ITGA9: variants seen among roughly 807,000 people sequenced by gnomAD.
The protein encoded by ITGA9 is integrin alpha-9.
In ITGA9, 56 loss-of-function variants were observed where a neutral mutation model predicts 127.8. The observed-to-expected ratio is 0.44, with a 90% CI of 0.35 to 0.55. ITGA9 has a LOEUF of 0.55. Among genes scored for constraint, ITGA9 ranks in the 20% least tolerant of loss-of-function variants. The probability of loss-of-function intolerance (pLI) is 0.00; values close to 1 mark genes in which losing one functional copy is unlikely to be tolerated. For missense variants in ITGA9, 1,196 were observed against 1,347.1 expected (o/e 0.89, Z 1.76); for synonymous variants, 508 against 514.5 (o/e 0.99, Z 0.17).
intron 19 of ITGA9, among the ~76,000 whole-genome samples, chr3:37,735,141 G>A (rs1462839774): frequency 6.6e-6 from 1 of 152,198 alleles, no homozygotes; most frequent in Non-Finnish European, 1.5e-5. Context: ...CCCAGTTTCT[G>A]ACATTCTGTT....
In ITGA9 at chr3:37,577,516, G is replaced by T. The variant is rs192436483; in HGVS notation, c.1689+34931G>T. Among the ~76,000 whole-genome samples, 288 of 152,302 alleles carry T rather than the reference G, an allele frequency of 1.9e-3. 1 individual carries two copies. The highest frequency in any genetic ancestry group is 6.6e-3 in the African/African-American group (276 of 41,562). ...AATGGGTTTTCCCAGCCATCTTCTG[G>T]TGCATTTCTAACATACCCTTAAAAG... On this transcript the variant is annotated intron_variant, in intron 15 of 27. Coordinates refer to ENST00000264741, the MANE Select transcript of ITGA9 (RefSeq NM_002207.3).
At chr3:37,704,668 C>T (rs1337429745) in intron 18 of ITGA9, among the ~76,000 whole-genome samples, 1 of 152,204 alleles carries the variant, frequency 6.6e-6, no homozygotes, top group African/African-American at 2.4e-5. Flanking sequence ...TACAGAAATA[C>T]AACACCGGTG....
chr3:37,525,613 T>C (rs1699085516), intron 12 of ITGA9, among the ~76,000 whole-genome samples: 1 of 152,216 alleles, frequency 6.6e-6, no homozygotes, highest in East Asian at 1.9e-4. Context: ...TCTAAAATAT[T>C]CCTGTAATTA....
intron 17 of ITGA9, among the ~76,000 whole-genome samples, chr3:37,654,233 A>C (rs971255162): frequency 4.1e-5 from 5 of 123,010 alleles, no homozygotes; most frequent in African/African-American, 7.0e-5. Context: ...CACACACACT[A>C]GTGTATGTTT....
At chr3:37,702,478 C>T (rs947459144) in intron 18 of ITGA9, among the ~76,000 whole-genome samples, 13 of 152,104 alleles carry the variant, frequency 8.5e-5, no homozygotes, top group Admixed American at 2.6e-4. Flanking sequence ...ATCAGTTTTT[C>T]TCTGGGAGGG....
intron 16 of ITGA9, among the ~76,000 whole-genome samples, chr3:37,649,107 C>T (rs1331657351): frequency 1.5e-5 from 2 of 134,884 alleles, no homozygotes; most frequent in African/African-American, 2.8e-5. Context: ...GAATCAAAAC[C>T]TATCGATACA....
chr3:37,533,267 A>T (rs764001373), intron 13 of ITGA9, 47 bp from the exon 14 acceptor site: 35 of 1,586,702 alleles, frequency 2.2e-5, no homozygotes, highest in Admixed American at 1.7e-5. Context: ...TGGTTCTGAG[A>T]GCTGCTCCTT....
chr3:37,537,511 C>G (rs985776526), intron 14 of ITGA9, among the ~76,000 whole-genome samples: 1 of 152,184 alleles, frequency 6.6e-6, no homozygotes, highest in Non-Finnish European at 1.5e-5. Context: ...CAGCAAGCAT[C>G]CAGTTACATT....
intron 4 of ITGA9, 148 bp from the exon 5 acceptor site, chr3:37,494,353 C>T (rs1698704095): frequency 1.4e-6 from 1 of 702,092 alleles, no homozygotes; most frequent in Non-Finnish European, 2.6e-6. Flanking sequence ...CTGAGACTTT[C>T]CTTCCTCACC....
At chr3:37,816,918 C>G (rs769236320) in intron 27 of ITGA9, among the ~76,000 whole-genome samples, 2 of 152,224 alleles carry the variant, frequency 1.3e-5, no homozygotes, top group African/African-American at 4.8e-5. Context: ...CTTCCCCTCA[C>G]GGTGAATGCT....
chr3:37,672,390 C>G (rs1322032129), intron 17 of ITGA9, among the ~76,000 whole-genome samples: 3 of 152,200 alleles, frequency 2.0e-5, no homozygotes, highest in African/African-American at 7.2e-5. Flanking sequence ...CCTGCACACA[C>G]TCTCTTGCCT....
Position 37,680,067 on chromosome 3 carries a change from G to T in ITGA9, c.1917-3798G>T, listed in dbSNP as rs1421516041. On this transcript the variant is annotated intron_variant, in intron 17 of 27. Coordinates refer to ENST00000264741, the MANE Select transcript of ITGA9 (RefSeq NM_002207.3). Reference sequence around the variant, plus strand: ...GATAGTCAGGGGGCTGGAGAATGTGGGTTATGTTGGAGAGGAATGAGTTTT... The same window carrying T: ...GATAGTCAGGGGGCTGGAGAATGTGTGTTATGTTGGAGAGGAATGAGTTTT... Among the ~76,000 whole-genome samples, 5 of 152,266 alleles carry T rather than the reference G, an allele frequency of 3.3e-5. No homozygotes were observed. The East Asian group carries it at 9.7e-4, about 29-fold the overall frequency.
intron 15 of ITGA9, among the ~76,000 whole-genome samples, chr3:37,583,970 C>T (rs1328958697): frequency 1.3e-5 from 2 of 152,174 alleles, no homozygotes; most frequent in Admixed American, 1.3e-4. Context: ...ATCAGTTGTG[C>T]TCATGCTTTC....
At chr3:37,574,574 C>A (rs2125606616) in intron 15 of ITGA9, among the ~76,000 whole-genome samples, 1 of 152,356 alleles carries the variant, frequency 6.6e-6, no homozygotes. Context: ...AGCTGTTGAA[C>A]TCCCACTGGG....
At chr3:37,454,162 C>T (rs1411985308) in intron 1 of ITGA9, among the ~76,000 whole-genome samples, 2 of 152,174 alleles carry the variant, frequency 1.3e-5, no homozygotes, top group African/African-American at 2.4e-5. Flanking sequence ...GCCAAGCCAG[C>T]CGGAGCATTG....
chr3:37,684,661 G>T (rs1700764624), intron 18 of ITGA9, among the ~76,000 whole-genome samples: 1 of 152,104 alleles, frequency 6.6e-6, no homozygotes, highest in African/African-American at 2.4e-5. Context: ...TAGAGACAGG[G>T]TTTTGCCATG....
intron 27 of ITGA9, among the ~76,000 whole-genome samples, chr3:37,818,123 C>G (rs371385998): frequency 3.5e-5 from 5 of 142,772 alleles, no homozygotes; most frequent in African/African-American, 1.1e-4. Context: ...TGTCAGGTCC[C>G]TGGTTTTTTT....
intron 22 of ITGA9, chr3:37,748,447 G>T: frequency 1.7e-6 from 1 of 589,800 alleles, no homozygotes; most frequent in South Asian, 1.5e-5. Context: ...GAAGGAAAAT[G>T]ATCAGAAAAA....
intron 18 of ITGA9, among the ~76,000 whole-genome samples, chr3:37,699,123 C>A (rs1700918736): frequency 1.3e-5 from 2 of 152,168 alleles, no homozygotes; most frequent in South Asian, 4.1e-4. Flanking sequence ...CATTGGAGAG[C>A]CTCAGGGTGC....
Sources: gnomAD v4.1 joint callset for allele counts (sites outside exome capture counted in the v4.1 genomes callset) on GRCh38, gnomAD v4.1.1 for gene constraint, MANE v1.5 for transcripts, NCBI Gene and HGNC (gene_info 2026-07-23, HGNC 2026-07-21) for gene names.